The following ATP10B variants were observed in gnomAD, a reference collection of about 807,000 sequenced individuals.
ATP10B encodes ATPase phospholipid transporting 10B (putative).
In ATP10B, 122 loss-of-function variants were observed where a neutral mutation model predicts 141.2. The observed-to-expected ratio is 0.86, with a 90% confidence interval of 0.75 to 1.00. The LOEUF is 1.00. Ranked by LOEUF, ATP10B falls within the 50% of genes least tolerant of loss-of-function variation. The probability of loss-of-function intolerance (pLI) is 0.00; values close to 1 mark genes in which losing one functional copy is unlikely to be tolerated. For synonymous variants in ATP10B, 685 were observed against 692.0 expected, an observed-to-expected ratio of 0.99 and a Z score of 0.16; for missense variants, 1,876 against 1,825.3, an observed-to-expected ratio of 1.03 and a Z score of -0.51.
rs190103469 is a variant in ATP10B, at chr5:160,599,636, G to C, written c.3364-666C>G. On this transcript the variant is annotated intron_variant, in intron 21 of 25. Transcript: ENST00000327245. Reference sequence around the variant, plus strand: ...GGACACCTGGTAGGACGGTGACCTCGTGAGAAGGTTGACTTCACTGTACTT... The same window carrying C: ...GGACACCTGGTAGGACGGTGACCTCCTGAGAAGGTTGACTTCACTGTACTT... Among the ~76,000 whole-genome samples the C allele has an allele frequency of 3.9e-5, 6 of 152,196 alleles. No homozygotes were observed. In the East Asian group the frequency reaches 7.7e-4, roughly 20 times the overall value.
chr5:160,629,005 A>G (rs563596246), intron 13 of ATP10B, among the ~76,000 whole-genome samples: 41 of 152,194 alleles, frequency 2.7e-4, no homozygotes, highest in African/African-American at 9.4e-4. Flanking sequence ...GATTTAGAGC[A>G]AAGGGCCAAG....
chr5:160,676,994 G>A (rs1021915838), intron 6 of ATP10B, among the ~76,000 whole-genome samples: 1 of 152,138 alleles, frequency 6.6e-6, no homozygotes, highest in Non-Finnish European at 1.5e-5. Context: ...TTGGAGTGAG[G>A]CATGAAGCTG....
At chr5:160,801,402 C>A (rs2127931280) in intron 1 of ATP10B, among the ~76,000 whole-genome samples, 1 of 152,268 alleles carries the variant, frequency 6.6e-6, no homozygotes, top group African/African-American at 2.4e-5. Flanking sequence ...TACAGCCAGG[C>A]TGAGTGACTG....
chr5:160,792,541 T>C (rs1771652383), intron 1 of ATP10B, among the ~76,000 whole-genome samples: 1 of 152,094 alleles, frequency 6.6e-6, no homozygotes, highest in Non-Finnish European at 1.5e-5. Flanking sequence ...TTGCCAGGAC[T>C]CTTTCCCCCA....
rs148106983 is a variant in ATP10B, at chr5:160,754,052, T to C, written c.-331+31507A>G. Among the ~76,000 whole-genome samples, 24 of 152,320 alleles carry C rather than the reference T, an allele frequency of 1.6e-4. 1 individual carries two copies. The East Asian group carries it at 4.6e-3, about 29-fold the overall frequency. Reference sequence around the variant, plus strand: ...AAACTTGCCCAAGCTAAACTTCATATAGCTGGAAACTACACAAATGGGCTT... The same window carrying C: ...AAACTTGCCCAAGCTAAACTTCATACAGCTGGAAACTACACAAATGGGCTT... On this transcript the variant is annotated intron_variant, in intron 2 of 25. Transcript: ENST00000327245.
At chr5:160,816,570 G>A (rs889052268) in intron 1 of ATP10B, among the ~76,000 whole-genome samples, 4 of 152,116 alleles carry the variant, frequency 2.6e-5, no homozygotes, top group Non-Finnish European at 4.4e-5. Flanking sequence ...TTCTACCAGA[G>A]GTACAAGGAG....
At chr5:160,700,871 T>C (rs1380297686) in intron 3 of ATP10B, among the ~76,000 whole-genome samples, 2 of 152,152 alleles carry the variant, frequency 1.3e-5, no homozygotes, top group African/African-American at 4.8e-5. Flanking sequence ...TCTTTACCCC[T>C]ACATCTGCAC....
At chr5:160,683,870 ACT>A (rs1461019299) in intron 6 of ATP10B, among the ~76,000 whole-genome samples, 1 of 151,992 alleles carries the variant, frequency 6.6e-6, no homozygotes, top group Non-Finnish European at 1.5e-5. Context: ...ACACACTCTA[ACT>A]CTGTCTTCTT....
At chr5:160,625,257 G>C (rs940250446) in intron 13 of ATP10B, among the ~76,000 whole-genome samples, 5 of 152,208 alleles carry the variant, frequency 3.3e-5, no homozygotes, top group Admixed American at 2.6e-4. Flanking sequence ...GCATGTGAAA[G>C]AAGTGGCCTT....
chr5:160,617,667 T>C (rs1227226376), intron 16 of ATP10B, among the ~76,000 whole-genome samples, 197 bp downstream of exon 16: 2 of 152,240 alleles, frequency 1.3e-5, no homozygotes, highest in East Asian at 1.9e-4. Context: ...GCCACACTGA[T>C]ATGGGACCTA....
chr5:160,752,048 A>G lies in ATP10B; in HGVS notation c.-331+33511T>C, dbSNP rs185068334. Reference sequence around the variant, plus strand: ...GCTGCTCATAGGCATTTTTGACTCTAAGTAGGGCAACCACAATTCCAATTC... The same window carrying G: ...GCTGCTCATAGGCATTTTTGACTCTGAGTAGGGCAACCACAATTCCAATTC... On this transcript the variant is annotated intron_variant, in intron 2 of 25. Transcript: ENST00000327245. 7.9e-5 allele frequency among the ~76,000 whole-genome samples: 12 copies of G among 152,270 alleles called. No homozygotes were observed. In the East Asian group the frequency reaches 2.3e-3, roughly 29 times the overall value.
chr5:160,571,576 A>G (rs1754879128), intron 24 of ATP10B, among the ~76,000 whole-genome samples: 1 of 152,116 alleles, frequency 6.6e-6, no homozygotes, highest in South Asian at 2.1e-4. Flanking sequence ...TTCTTTTATG[A>G]GGTTCATTAT....
rs1226951541 is a variant in ATP10B, at chr5:160,640,450, A to G, written c.1000+11T>C. 10 of 1,613,140 alleles carry G rather than the reference A, an allele frequency of 6.2e-6. No individual in the cohort carries two copies. The highest frequency in any genetic ancestry group is 8.5e-6 in the Non-Finnish European group (10 of 1,179,536). The stretch of plus-strand genomic sequence containing the variant: ...TTACTGTGTCCTTGTTCTTTCCAGA[A>G]CATCCCATACCTACAGCTCCAATAA... On this transcript the variant is annotated intron_variant, in intron 10 of 25. Transcript: ENST00000327245.
At chr5:160,867,916 T>C in the ATP10B span, among the ~76,000 whole-genome samples, 1 of 152,172 alleles carries the variant, frequency 6.6e-6, no homozygotes, top group African/African-American at 2.4e-5. Context: ...ATTTTCCAGA[T>C]AGAAGGGATG....
At chr5:160,763,604 A>G (rs1283086180) in intron 2 of ATP10B, among the ~76,000 whole-genome samples, 1 of 152,196 alleles carries the variant, frequency 6.6e-6, no homozygotes, top group Non-Finnish European at 1.5e-5. Flanking sequence ...CCTACTTCAA[A>G]AAGTCTGAAA....
chr5:160,845,249 C>T (rs1176938817), intron 1 of ATP10B, among the ~76,000 whole-genome samples: 1 of 152,096 alleles, frequency 6.6e-6, no homozygotes, highest in African/African-American at 2.4e-5. Flanking sequence ...TTGTGGTACC[C>T]TGGGATGCTT....
chr5:160,747,495 G>T (rs1459045442), intron 2 of ATP10B, among the ~76,000 whole-genome samples: 2 of 152,188 alleles, frequency 1.3e-5, no homozygotes, highest in Non-Finnish European at 2.9e-5. Flanking sequence ...GGATTAGGTA[G>T]ACTCTAATCT....
intron 18 of ATP10B, among the ~76,000 whole-genome samples, chr5:160,609,347 A>G (rs934927466): frequency 5.3e-5 from 8 of 151,282 alleles, no homozygotes; most frequent in Non-Finnish European, 1.2e-4. Context: ...AGATTTAGAG[A>G]TTTCTGTGTG....
At chr5:160,882,779 T>G in the ATP10B span, among the ~76,000 whole-genome samples, 1 of 152,086 alleles carries the variant, frequency 6.6e-6, no homozygotes, top group African/African-American at 2.4e-5. Context: ...CACTCAAAAA[T>G]ATATGGCTAT....
Sources: allele counts gnomAD v4.1 joint callset (sites outside exome capture counted in the v4.1 genomes callset), GRCh38; gene constraint gnomAD v4.1.1; transcripts MANE v1.5; gene names NCBI Gene and HGNC (gene_info 2026-07-23, HGNC 2026-07-21).